Variants in RCAN2 observed in about 807,000 individuals in gnomAD.
The protein encoded by RCAN2 is calcipressin-2.
RCAN2 carries 9 observed loss-of-function variants against 23.6 expected under a neutral mutation model. The ratio of observed to expected loss-of-function variants is 0.38; its 90% confidence interval spans 0.23 to 0.67. The LOEUF (loss-of-function observed/expected upper bound fraction) is 0.67. RCAN2 is among the 30% of genes least tolerant of loss of function. The probability of loss-of-function intolerance (pLI) is 0.51; values close to 1 mark genes in which losing one functional copy is unlikely to be tolerated. For missense variants in RCAN2, 273 were observed against 302.3 expected (o/e 0.90, Z 0.72); for synonymous variants, 109 against 115.7 (o/e 0.94, Z 0.37).
intron 4 of RCAN2, among the ~76,000 whole-genome samples, chr6:46,229,564 C>A (rs1374893055): frequency 6.6e-6 from 1 of 152,206 alleles, no homozygotes; most frequent in Non-Finnish European, 1.5e-5. Context: ...ATCAAATTGG[C>A]TACTGAAGCT....
chr6:46,238,709 C>T (rs1766193535), intron 4 of RCAN2, among the ~76,000 whole-genome samples: 1 of 152,060 alleles, frequency 6.6e-6, no homozygotes, highest in Non-Finnish European at 1.5e-5. Flanking sequence ...CCACCACACC[C>T]AGATAATCTT....
intron 1 of RCAN2, among the ~76,000 whole-genome samples, chr6:46,458,916 A>T (rs1582219448): frequency 6.6e-6 from 1 of 151,882 alleles, no homozygotes; most frequent in East Asian, 1.9e-4. Context: ...TGTGTGATGG[A>T]GTTTTGCTCT....
chr6:46,404,446 G>T (rs1766341300), intron 2 of RCAN2, among the ~76,000 whole-genome samples: 1 of 152,128 alleles, frequency 6.6e-6, no homozygotes, highest in Non-Finnish European at 1.5e-5. Context: ...TTTTAAAGTT[G>T]TAGAAACCCT....
chr6:46,348,869 C>A (rs908683652), intron 2 of RCAN2, among the ~76,000 whole-genome samples: 1 of 152,098 alleles, frequency 6.6e-6, no homozygotes, highest in African/African-American at 2.4e-5. Flanking sequence ...GACATATTCC[C>A]CCAATTATTC....
chr6:46,267,158 C>T (rs960933430), intron 2 of RCAN2, among the ~76,000 whole-genome samples: 14 of 152,102 alleles, frequency 9.2e-5, no homozygotes, highest in Admixed American at 5.2e-4. Flanking sequence ...GTGATGGTAA[C>T]GTCAAGCCTC....
intron 2 of RCAN2, among the ~76,000 whole-genome samples, chr6:46,369,812 C>T (rs578053423): frequency 1.3e-4 from 20 of 152,266 alleles, no homozygotes; most frequent in Admixed American, 5.9e-4. Flanking sequence ...AACTATGAAT[C>T]TTTTATTTCC....
Position 46,335,736 on chromosome 6 carries a change from T to A in RCAN2, c.226-86840A>T, listed in dbSNP as rs73453908. 1.2e-3 allele frequency among the ~76,000 whole-genome samples: 179 copies of A among 152,332 alleles called. 1 individual carries two copies. The highest frequency in any genetic ancestry group is 3.4e-3 in the Middle Eastern group (1 of 294). On this transcript the variant is annotated intron_variant, in intron 2 of 4. Coordinates refer to ENST00000371374, the MANE Select transcript of RCAN2 (RefSeq NM_001251974.2). Reference sequence around the variant, plus strand: ...CCCTTTCAGGATATAGTGCTATCTATCTAGTTTTTGGGCCACCTGCTTAGA... The same window carrying A: ...CCCTTTCAGGATATAGTGCTATCTAACTAGTTTTTGGGCCACCTGCTTAGA...
At chr6:46,388,770 G>T (rs1765843318) in intron 2 of RCAN2, among the ~76,000 whole-genome samples, 1 of 152,150 alleles carries the variant, frequency 6.6e-6, no homozygotes, top group Non-Finnish European at 1.5e-5. Context: ...GACACAGGGA[G>T]GTGAACATCA....
intron 2 of RCAN2, among the ~76,000 whole-genome samples, chr6:46,283,175 G>A (rs775970369): frequency 7.2e-5 from 11 of 152,106 alleles, no homozygotes; most frequent in East Asian, 1.9e-4. Context: ...CAATCCAGGC[G>A]TGGTGGCTCA....
At chr6:46,257,236 T>A (rs1214094270) in intron 2 of RCAN2, among the ~76,000 whole-genome samples, 1 of 152,216 alleles carries the variant, frequency 6.6e-6, no homozygotes, top group Non-Finnish European at 1.5e-5. Context: ...AATATTAGGA[T>A]ATTAAAATAT....
intron 2 of RCAN2, among the ~76,000 whole-genome samples, chr6:46,391,407 G>T (rs1582164279): frequency 1.3e-5 from 2 of 152,134 alleles, no homozygotes; most frequent in East Asian, 3.9e-4. Context: ...AAACTGGGGT[G>T]CTAGGAGTGA....
chr6:46,364,560 G>C (rs1288924291), intron 2 of RCAN2, among the ~76,000 whole-genome samples: 6 of 152,202 alleles, frequency 3.9e-5, no homozygotes, highest in African/African-American at 1.4e-4. Flanking sequence ...AGACTGAGCT[G>C]CCTGCTTAGC....
chr6:46,305,846 T>A (rs761919529), intron 2 of RCAN2, among the ~76,000 whole-genome samples: 1 of 151,932 alleles, frequency 6.6e-6, no homozygotes, highest in Admixed American at 6.6e-5. Flanking sequence ...ACTAAACAGT[T>A]GACTGTCCTG....
At chr6:46,288,996 T>C (rs1762456272) in intron 2 of RCAN2, among the ~76,000 whole-genome samples, 1 of 152,248 alleles carries the variant, frequency 6.6e-6, no homozygotes, top group African/African-American at 2.4e-5. Flanking sequence ...AAAACACACA[T>C]GTGAGACTTG....
At chr6:46,434,568 A>T (rs1767314130) in intron 2 of RCAN2, among the ~76,000 whole-genome samples, 1 of 152,188 alleles carries the variant, frequency 6.6e-6, no homozygotes, top group Non-Finnish European at 1.5e-5. Context: ...TGGAGGAAAG[A>T]AAAGAACTCA....
intron 2 of RCAN2, among the ~76,000 whole-genome samples, chr6:46,282,527 G>A (rs1486711133): frequency 1.3e-5 from 2 of 150,752 alleles, no homozygotes; most frequent in South Asian, 2.1e-4. Context: ...CTGGTCAAGA[G>A]AAAATGATGC....
At chr6:46,344,562 T>C (rs1490468515) in intron 2 of RCAN2, among the ~76,000 whole-genome samples, 1 of 152,052 alleles carries the variant, frequency 6.6e-6, no homozygotes, top group Non-Finnish European at 1.5e-5. Context: ...ACACAAATAT[T>C]GAGGGGAGGT....
intron 2 of RCAN2, among the ~76,000 whole-genome samples, chr6:46,260,523 T>A (rs1352468399): frequency 6.6e-6 from 1 of 152,100 alleles, no homozygotes; most frequent in East Asian, 1.9e-4. Context: ...AGCTGTCCAA[T>A]AAGTAGGGGC....
At chr6:46,320,771 T>C (rs190857319) in intron 2 of RCAN2, among the ~76,000 whole-genome samples, 42 of 152,258 alleles carry the variant, frequency 2.8e-4, no homozygotes, top group African/African-American at 8.7e-4. Context: ...ATTCCAAGCA[T>C]ATGAAGAATT....
Sources: allele counts gnomAD v4.1 joint callset (sites outside exome capture counted in the v4.1 genomes callset), GRCh38; gene constraint gnomAD v4.1.1; transcripts MANE v1.5; gene names NCBI Gene and HGNC (gene_info 2026-07-23, HGNC 2026-07-21).